The following CTNNA2 variants were observed in gnomAD, a reference collection of about 807,000 sequenced individuals.
The protein encoded by CTNNA2 is catenin alpha-2.
A neutral mutation model predicts 101.0 loss-of-function variants in CTNNA2; 42 were observed. The observed-to-expected ratio is 0.42, with a 90% CI of 0.32 to 0.54. The LOEUF is 0.54. CTNNA2 is among the 20% of genes least tolerant of loss of function. CTNNA2 has a pLI of 0.14. For missense variants in CTNNA2, 871 were observed against 1,223.1 expected (o/e 0.71, Z 4.29); for synonymous variants, 450 against 456.4 (o/e 0.99, Z 0.18).
intron 9 of CTNNA2, among the ~76,000 whole-genome samples, chr2:80,451,967 G>GA (rs1030279759): frequency 2.0e-5 from 3 of 152,084 alleles, no homozygotes; most frequent in East Asian, 3.9e-4. Flanking sequence ...TTTGGACATA[G>GA]AAAAAAATCC....
intron 7 of CTNNA2, among the ~76,000 whole-genome samples, chr2:79,924,170 G>A (rs932459690): frequency 1.3e-5 from 2 of 152,008 alleles, no homozygotes; most frequent in Admixed American, 6.6e-5. Context: ...TTGGCAATGG[G>A]GATGAACCTG....
At chr2:80,618,832 C>T (rs908860783) in intron 17 of CTNNA2, 3 of 283,822 alleles carry the variant, frequency 1.1e-5, no homozygotes, top group African/African-American at 6.5e-5. Flanking sequence ...AGGCAGGGTG[C>T]ATCTTCATTC....
At chr2:79,691,149 TAGAA>T (rs1226032978) in intron 2 of CTNNA2, among the ~76,000 whole-genome samples, 1 of 151,946 alleles carries the variant, frequency 6.6e-6, no homozygotes, top group Non-Finnish European at 1.5e-5. Context: ...AGGTGAAATA[TAGAA>T]AGAACTGAAA....
chr2:80,096,816 C>T (rs1573063860), intron 7 of CTNNA2, among the ~76,000 whole-genome samples: 2 of 152,282 alleles, frequency 1.3e-5, no homozygotes, highest in Middle Eastern at 3.4e-3. Flanking sequence ...TTATCAGAGA[C>T]TAGGATTGCA....
chr2:79,379,254 A>G (rs568778068), intron 4 of CTNNA2, among the ~76,000 whole-genome samples: 1 of 152,324 alleles, frequency 6.6e-6, no homozygotes, highest in East Asian at 1.9e-4. Flanking sequence ...ACTAAACAAT[A>G]TATGATGAAC....
chr2:80,356,510 T>G (rs983838703), intron 7 of CTNNA2, among the ~76,000 whole-genome samples: 1 of 152,018 alleles, frequency 6.6e-6, no homozygotes, highest in East Asian at 1.9e-4. Flanking sequence ...TGTGTACCCA[T>G]GATAGGCCAG....
At chr2:79,551,882 T>A (rs1674123958) in intron 1 of CTNNA2, among the ~76,000 whole-genome samples, 1 of 152,120 alleles carries the variant, frequency 6.6e-6, no homozygotes, top group Non-Finnish European at 1.5e-5. Context: ...GCCCCCATGA[T>A]CCAGTCACCT....
chr2:80,412,508 A>G (rs1679677344), intron 8 of CTNNA2, among the ~76,000 whole-genome samples: 1 of 152,140 alleles, frequency 6.6e-6, no homozygotes, highest in Non-Finnish European at 1.5e-5. Context: ...ATGGCACCAA[A>G]CTAGTCCACT....
chr2:79,781,623 A>G (rs1395798194), intron 3 of CTNNA2, among the ~76,000 whole-genome samples: 1 of 152,210 alleles, frequency 6.6e-6, no homozygotes, highest in Non-Finnish European at 1.5e-5. Flanking sequence ...TTGAAAGATC[A>G]AAAAGTATTT....
At chr2:80,220,199 TAG>T (rs1469901809) in intron 7 of CTNNA2, among the ~76,000 whole-genome samples, 1 of 152,220 alleles carries the variant, frequency 6.6e-6, no homozygotes, top group African/African-American at 2.4e-5. Context: ...TCTTCTGCCA[TAG>T]ACATACTAAT....
chr2:79,836,405 C>T (rs189353342), intron 3 of CTNNA2, among the ~76,000 whole-genome samples: 33 of 152,266 alleles, frequency 2.2e-4, no homozygotes, highest in Non-Finnish European at 3.2e-4. Context: ...AAGGATAAGA[C>T]GCAGAGTACA....
chr2:79,348,561 A>G (rs948440413), intron 3 of CTNNA2, among the ~76,000 whole-genome samples: 29 of 152,218 alleles, frequency 1.9e-4, no homozygotes, highest in Non-Finnish European at 3.7e-4. Flanking sequence ...GCTCTCGCCA[A>G]TTCTCTCAGA....
At chr2:80,627,017 A>T (rs10865453) in intron 18 of CTNNA2, among the ~76,000 whole-genome samples, 63,618 of 151,828 alleles carry the variant, frequency 0.42, 13,398 homozygotes, top group East Asian at 0.45. Flanking sequence ...TCCAACTTCA[A>T]CCATGTCCCT....
chr2:80,096,655 G>C (rs1700172140), intron 7 of CTNNA2, among the ~76,000 whole-genome samples: 1 of 152,018 alleles, frequency 6.6e-6, no homozygotes, highest in African/African-American at 2.4e-5. Context: ...CTCTTTGTAG[G>C]TCACTAAGGA....
At chr2:79,849,909 T>A (rs1168216679) in intron 3 of CTNNA2, among the ~76,000 whole-genome samples, 1 of 152,218 alleles carries the variant, frequency 6.6e-6, no homozygotes, top group Non-Finnish European at 1.5e-5. Flanking sequence ...CCTTTCCTCC[T>A]CTCGACAGCA....
At chr2:79,890,709 A>T (rs1684237873) in intron 6 of CTNNA2, among the ~76,000 whole-genome samples, 1 of 150,904 alleles carries the variant, frequency 6.6e-6, no homozygotes, top group East Asian at 2.0e-4. Context: ...CAGCATATAA[A>T]ATATGTTGTC....
intron 7 of CTNNA2, among the ~76,000 whole-genome samples, chr2:80,053,340 G>A (rs987850994): frequency 3.9e-5 from 6 of 152,104 alleles, no homozygotes; most frequent in African/African-American, 1.2e-4. Flanking sequence ...TGAAAATGCC[G>A]GTAAATAATG....
chr2:79,412,421 C>A (rs1234060447), intron 4 of CTNNA2, among the ~76,000 whole-genome samples: 4 of 152,018 alleles, frequency 2.6e-5, no homozygotes, highest in African/African-American at 9.7e-5. Context: ...GAACTCTCCA[C>A]CCCAAATCAA....
At chr2:80,377,366 C>A (rs1457117492) in intron 7 of CTNNA2, among the ~76,000 whole-genome samples, 1 of 152,236 alleles carries the variant, frequency 6.6e-6, no homozygotes, top group Admixed American at 6.5e-5. Flanking sequence ...ATACCATTTT[C>A]ATGCTAGACT....
Sources: gnomAD v4.1 joint callset for allele counts (sites outside exome capture counted in the v4.1 genomes callset) on GRCh38, gnomAD v4.1.1 for gene constraint, MANE v1.5 for transcripts, NCBI Gene and HGNC (gene_info 2026-07-23, HGNC 2026-07-21) for gene names.